Variants in ITGA2 observed in about 807,000 individuals in gnomAD.
ITGA2 encodes the protein integrin alpha-2.
In ITGA2, 101 loss-of-function variants were observed where a neutral mutation model predicts 146.3. The observed-to-expected ratio is 0.69, with a 90% confidence interval of 0.59 to 0.81. ITGA2 has a LOEUF of 0.81. Ranked by LOEUF, ITGA2 falls within the 40% of genes least tolerant of loss-of-function variation. The pLI is 0.00. For synonymous variants in ITGA2, 477 were observed against 487.1 expected, an observed-to-expected ratio of 0.98 and a Z score of 0.27; for missense variants, 1,281 against 1,402.7, an observed-to-expected ratio of 0.91 and a Z score of 1.39.
intron 2 of ITGA2, among the ~76,000 whole-genome samples, chr5:53,031,331 A>G (rs1298613599): frequency 1.3e-5 from 2 of 152,036 alleles, no homozygotes; most frequent in Non-Finnish European, 2.9e-5. Context: ...TGTTTTCTTT[A>G]TTCCCTTACT....
chr5:53,066,950 T>G (rs1745174594), intron 15 of ITGA2, among the ~76,000 whole-genome samples, 168 bp from the exon 16 acceptor site: 1 of 151,834 alleles, frequency 6.6e-6, no homozygotes, highest in Non-Finnish European at 1.5e-5. Flanking sequence ...AAAAATTATC[T>G]CTGTCTGCCA....
At chr5:53,027,733 T>C (rs1404283184) in intron 2 of ITGA2, among the ~76,000 whole-genome samples, 1 of 152,150 alleles carries the variant, frequency 6.6e-6, no homozygotes, top group East Asian at 1.9e-4. Context: ...GAATCTCCAC[T>C]CTCTAGAGCT....
chr5:52,998,114 G>C (rs1404012153), intron 1 of ITGA2, among the ~76,000 whole-genome samples: 2 of 152,002 alleles, frequency 1.3e-5, no homozygotes, highest in East Asian at 1.9e-4. Flanking sequence ...TAATATATTA[G>C]TGTCATTTTA....
At chr5:53,071,395 A>G (rs1199550826) in intron 17 of ITGA2, among the ~76,000 whole-genome samples, 1 of 151,810 alleles carries the variant, frequency 6.6e-6, no homozygotes, top group Non-Finnish European at 1.5e-5. Context: ...CTTTTTCACT[A>G]TTTGATATCA....
At chr5:52,991,069 A>G (rs1740930061) in intron 1 of ITGA2, among the ~76,000 whole-genome samples, 1 of 152,198 alleles carries the variant, frequency 6.6e-6, no homozygotes, top group African/African-American at 2.4e-5. Context: ...GTAACGCTGC[A>G]AGGCATGAAG....
Position 53,045,065 on chromosome 5 carries a change from C to T in ITGA2, c.360C>T (p.Thr120=). The T allele has an allele frequency of 6.2e-7, 1 of 1,613,686 alleles. No homozygotes were observed. Among genetic ancestry groups the T allele is most frequent in the South Asian group, 1.1e-5 (1 of 91,060 alleles). ...KTNMSLGLIL[T]RNMGTGGFLT... ...ACATGAGCCTCGGCTTGATCCTCAC[C>T]AGGAACATGGGAACTGGAGGTTTTC... Residue 120 remains threonine, a synonymous_variant, in exon 4 of 30, where the codon ACC becomes ACT. Transcript: ENST00000296585.
intron 1 of ITGA2, among the ~76,000 whole-genome samples, chr5:53,008,949 G>A (rs1293182221): frequency 2.0e-5 from 3 of 152,128 alleles, no homozygotes; most frequent in South Asian, 2.1e-4. Context: ...CAGGCAGCAC[G>A]AGTATGAGCA....
chr5:53,070,065 A>C, intron 16 of ITGA2, 44 bp from the exon 17 acceptor site: 1 of 1,514,586 alleles, frequency 6.6e-7, no homozygotes, highest in Non-Finnish European at 9.2e-7. Flanking sequence ...TTTTCCTATA[A>C]GTTGATTTGA....
At chr5:53,048,317 G>A (rs746740142) in intron 4 of ITGA2, 46 bp from the exon 5 acceptor site, 5 of 1,399,192 alleles carry the variant, frequency 3.6e-6, no homozygotes, top group Non-Finnish European at 5.1e-6. Context: ...TAGAAGGTTT[G>A]CATTTTTCAT....
intron 2 of ITGA2, among the ~76,000 whole-genome samples, chr5:53,032,245 C>T (rs1743260346): frequency 6.6e-6 from 1 of 152,120 alleles, no homozygotes; most frequent in Non-Finnish European, 1.5e-5. Context: ...TAAAGCTCTA[C>T]ATGTGTTATG....
intron 12 of ITGA2, among the ~76,000 whole-genome samples, chr5:53,062,117 T>A (rs1561134399): frequency 6.6e-6 from 1 of 151,848 alleles, no homozygotes; most frequent in Non-Finnish European, 1.5e-5. Flanking sequence ...TATCTCCACC[T>A]TGTCCTCCTG....
chr5:53,034,399 C>A (rs1266787595), intron 2 of ITGA2, among the ~76,000 whole-genome samples: 3 of 131,926 alleles, frequency 2.3e-5, no homozygotes, highest in Non-Finnish European at 3.3e-5. Context: ...AACAGTGAGA[C>A]TCCAACTCAA....
chr5:53,012,666 G>A (rs1238806797), intron 1 of ITGA2, among the ~76,000 whole-genome samples: 2 of 152,138 alleles, frequency 1.3e-5, no homozygotes, highest in Non-Finnish European at 2.9e-5. Context: ...AGTTCTTTGA[G>A]AAGTCACCAA....
At chr5:53,039,992 T>A (rs1226764454) in intron 2 of ITGA2, among the ~76,000 whole-genome samples, 4 of 152,038 alleles carry the variant, frequency 2.6e-5, no homozygotes, top group Non-Finnish European at 5.9e-5. Context: ...AATATGATTT[T>A]TTTTAATGGG....
chr5:53,078,038 G>C (rs1037531972), intron 23 of ITGA2, among the ~76,000 whole-genome samples: 1 of 152,036 alleles, frequency 6.6e-6, no homozygotes, highest in African/African-American at 2.4e-5. Context: ...GAGGTCCCCA[G>C]TTTCATTCTA....
chr5:53,002,200 A>T (rs1741617430), intron 1 of ITGA2, among the ~76,000 whole-genome samples: 1 of 152,094 alleles, frequency 6.6e-6, no homozygotes, highest in Admixed American at 6.5e-5. Flanking sequence ...AGTATAAAAC[A>T]TTTTTGACCA....
chr5:53,053,841 G>A (rs1744504148), intron 7 of ITGA2, among the ~76,000 whole-genome samples: 1 of 152,108 alleles, frequency 6.6e-6, no homozygotes, highest in South Asian at 2.1e-4. Context: ...TTGTTGCCAT[G>A]TTTTCATTCA....
chr5:53,044,091 A>G (rs1269750889), intron 3 of ITGA2, among the ~76,000 whole-genome samples: 2 of 151,806 alleles, frequency 1.3e-5, no homozygotes, highest in African/African-American at 4.8e-5. Context: ...CCTGGGCAAC[A>G]TGGTGAAACC....
chr5:53,045,078 A>T lies in ITGA2; in HGVS notation c.373A>T (p.Thr125Ser). Residue 125 changes from threonine to serine, a missense_variant, in exon 4 of 30, where the codon ACT becomes TCT. Thr to Ser is a moderately conservative substitution (Grantham distance 58). Coordinates refer to ENST00000296585, the MANE Select transcript of ITGA2 (RefSeq NM_002203.4). ...CTTGATCCTCACCAGGAACATGGGA[A>T]CTGGAGGTTTTCTCGTGAGTGTTTA... Reference protein sequence around the residue: ...LGLILTRNMGTGGFLTCGPLW... With the variant: ...LGLILTRNMGSGGFLTCGPLW... 6.2e-7 allele frequency: 1 copy of T among 1,613,288 alleles called. No individual in the cohort carries two copies. Among genetic ancestry groups the T allele is most frequent in the East Asian group, 2.2e-5 (1 of 44,844 alleles).
Sources: gnomAD v4.1 joint callset for allele counts (sites outside exome capture counted in the v4.1 genomes callset) on GRCh38, gnomAD v4.1.1 for gene constraint, MANE v1.5 for transcripts, NCBI Gene and HGNC (gene_info 2026-07-23, HGNC 2026-07-21) for gene names.